AP1S2: variants seen among roughly 807,000 people sequenced by gnomAD.
The protein encoded by AP1S2 is adaptor related protein complex 1 subunit sigma 2.
A neutral mutation model predicts 14.3 loss-of-function variants in AP1S2; 1 was observed. That is an observed-to-expected ratio of 0.07 (90% CI 0.02 to 0.33). The LOEUF is 0.33. Ranked by LOEUF, AP1S2 falls within the 10% of genes least tolerant of loss-of-function variation. AP1S2 has a pLI of 0.99. For synonymous variants in AP1S2, 30 were observed against 40.5 expected, an observed-to-expected ratio of 0.74 and a Z score of 0.99; for missense variants, 30 against 117.7, an observed-to-expected ratio of 0.25 and a Z score of 3.45.
At chrX:15,833,251 C>T in intron 4 of AP1S2, 1 of 754,374 alleles carries the variant, frequency 1.3e-6, no homozygotes, top group Non-Finnish European at 1.6e-6. Flanking sequence ...GCAACCATTC[C>T]TCCCCAGGAG....
chrX:15,826,991 T>C lies in AP1S2; in HGVS notation c.*334A>G, dbSNP rs948675645. 2.3e-5 allele frequency: 4 copies of C among 177,367 alleles called. No homozygotes were observed. The highest frequency in any genetic ancestry group is 2.0e-3 in the Middle Eastern group (1 of 507). 14.6% of individuals were successfully genotyped at this position (177,367 alleles called of 1,213,427 possible). A position where few individuals can be genotyped will look rare whatever the true frequency, so the allele number is the denominator to read the frequency against. The stretch of plus-strand genomic sequence containing the variant: ...GAGTTTCCTTTGTCAAATACAGTAA[T>C]TAATAAATGTATACTGCCTGATTTT... On this transcript the variant is annotated 3_prime_UTR_variant, in exon 6 of 6. Transcript: ENST00000672987.
chrX:15,839,616 G>T (rs1370753679), intron 4 of AP1S2, among the ~76,000 whole-genome samples: 1 of 107,526 alleles, frequency 9.3e-6, no homozygotes, highest in Non-Finnish European at 1.9e-5. Context: ...AATTAGCTTG[G>T]ACTACAGACA....
At chrX:15,849,620 G>T (rs1330706326) in intron 2 of AP1S2, among the ~76,000 whole-genome samples, 2 of 111,941 alleles carry the variant, frequency 1.8e-5, no homozygotes, top group Admixed American at 9.4e-5. Context: ...ACCCTTTGTA[G>T]CTTTCAAAAG....
rs769397153 is a variant in AP1S2 at position 15,854,722 on chromosome X, CCGG to C, written c.-38_-36del. 2.0e-4 allele frequency: 156 copies of C among 790,369 alleles called. No individual in the cohort carries two copies. The highest frequency in any genetic ancestry group is 1.1e-3 in the Admixed American group (14 of 12,758). 65.1% of individuals were successfully genotyped at this position (790,369 alleles called of 1,213,427 possible). A position where few individuals can be genotyped will look rare whatever the true frequency, so the allele number is the denominator to read the frequency against. On this transcript the variant is annotated 5_prime_UTR_variant, in exon 1 of 6. Transcript: ENST00000672987. ...GGGCCGCGGGCGCGGCGGAGCTTGG[CCGG>C]CGGCGGCGGCGGCGGCGAAGGGGAA...
At chrX:15,854,636 C>T (rs1160928969) in intron 1 of AP1S2, 52 bp downstream of exon 1, 1 of 548,807 alleles carries the variant, frequency 1.8e-6, no homozygotes, top group Admixed American at 8.9e-5. Context: ...GCCCAGTCCT[C>T]CCTCCCCCTC....
intron 4 of AP1S2, chrX:15,844,851 C>CA (rs1016104999): frequency 5.8e-5 from 18 of 307,708 alleles, no homozygotes; most frequent in Admixed American, 1.9e-4. Context: ...GTTTTGCTAA[C>CA]AAAAAAAACC....
In AP1S2 at chrX:15,826,340, TAA is replaced by T. The variant is rs1161451082; in HGVS notation, c.*983_*984del. ...AGAAATGTGTCTTTTTAAATTTTTA[TAA>T]GACTTCTGTTAACTAGGCAGTGCCA... On this transcript the variant is annotated 3_prime_UTR_variant, in exon 6 of 6. Transcript: ENST00000672987. 1.8e-5 allele frequency: 2 copies of T among 112,454 alleles called. No individual in the cohort carries two copies. The highest frequency in any genetic ancestry group is 3.8e-5 in the Non-Finnish European group (2 of 53,270). The allele number at this position is 112,454 out of a possible 1,213,427, so 9.3% of individuals were successfully genotyped here. A position where few individuals can be genotyped will look rare whatever the true frequency, so the allele number is the denominator to read the frequency against.
intron 2 of AP1S2, among the ~76,000 whole-genome samples, chrX:15,851,679 A>C (rs1250968831): frequency 8.9e-5 from 10 of 112,260 alleles, no homozygotes. Flanking sequence ...CATTAAAAAA[A>C]TTTTAGTGTT....
chrX:15,849,593 T>A (rs1310340971), intron 2 of AP1S2, among the ~76,000 whole-genome samples: 1 of 112,084 alleles, frequency 8.9e-6, no homozygotes, highest in African/African-American at 3.3e-5. Context: ...GATATAAGTA[T>A]CAGAGTTGGA....
rs1933242333 is a variant in AP1S2, at chrX:15,825,807, C to G, written c.*1518G>C. Reference sequence around the variant, plus strand: ...GAAAGAGTAGAAAAGTCAACTGCATCAAGGTTTTAAAAGCAGCATTTATTG... The same window carrying G: ...GAAAGAGTAGAAAAGTCAACTGCATGAAGGTTTTAAAAGCAGCATTTATTG... On this transcript the variant is annotated 3_prime_UTR_variant, in exon 6 of 6. Coordinates refer to ENST00000672987, the MANE Select transcript of AP1S2 (RefSeq NM_001272071.2). The G allele has an allele frequency of 8.0e-6, 1 of 125,212 alleles. No homozygotes were observed. Among genetic ancestry groups the G allele is most frequent in the Admixed American group, 9.2e-5 (1 of 10,813 alleles). 10.3% of individuals were successfully genotyped at this position (125,212 alleles called of 1,213,427 possible).
chrX:15,845,525 G>GA lies in AP1S2; in HGVS notation c.289-10dup, dbSNP rs746801765. 5.5e-4 allele frequency: 582 copies of GA among 1,062,827 alleles called. No homozygotes were observed. The highest frequency in any genetic ancestry group is 3.6e-3 in the South Asian group (167 of 46,059). 87.6% of individuals were successfully genotyped at this position (1,062,827 alleles called of 1,213,427 possible). On this transcript the variant is annotated splice_polypyrimidine_tract_variant and intron_variant, in intron 3 of 5. Coordinates refer to ENST00000672987, the MANE Select transcript of AP1S2 (RefSeq NM_001272071.2). ...ATATCTAGTTCACAGACCTGAAAAGGAAAAAAAAAAGAAAAAAGAAAAGAA... is the reference window on the plus strand; with the variant it reads ...ATATCTAGTTCACAGACCTGAAAAGGAAAAAAAAAAAGAAAAAAGAAAAGAA...
chrX:15,847,252 A>G (rs746110183), intron 2 of AP1S2, among the ~76,000 whole-genome samples: 3 of 110,936 alleles, frequency 2.7e-5, no homozygotes, highest in Non-Finnish European at 5.7e-5. Context: ...CATTATTAAA[A>G]CCATTTCATC....
intron 4 of AP1S2, 175 bp downstream of exon 4, chrX:15,845,204 T>C (rs1933965585): frequency 5.3e-6 from 4 of 752,547 alleles, no homozygotes; most frequent in South Asian, 6.8e-5. Flanking sequence ...CATCCATCCA[T>C]AGATAACTGA....
intron 4 of AP1S2, among the ~76,000 whole-genome samples, chrX:15,836,866 CAG>C (rs1259629635): frequency 1.8e-5 from 2 of 111,671 alleles, no homozygotes; most frequent in East Asian, 5.6e-4. Flanking sequence ...GCCTTGGTGA[CAG>C]AGTGAGACCC....
At chrX:15,845,293 T>C in intron 4 of AP1S2, 86 bp downstream of exon 4, 2 of 1,189,112 alleles carry the variant, frequency 1.7e-6, no homozygotes, top group African/African-American at 3.5e-5. Context: ...TTCAGAGTAC[T>C]TTCTGAAACT....
At chrX:15,833,252 TC>T (rs1311440198) in intron 4 of AP1S2, 1 of 754,302 alleles carries the variant, frequency 1.3e-6, no homozygotes, top group Non-Finnish European at 1.6e-6. Flanking sequence ...CAACCATTCC[TC>T]CCCAGGAGAC....
intron 4 of AP1S2, chrX:15,840,597 A>G (rs1295279062): frequency 2.2e-5 from 21 of 948,580 alleles, no homozygotes; most frequent in Non-Finnish European, 2.9e-5. Flanking sequence ...TGGCTCTATA[A>G]AATTAAGGAG....
chrX:15,834,480 A>ATATATATATAT (rs1483118039), intron 4 of AP1S2, among the ~76,000 whole-genome samples: 123 of 20,234 alleles, frequency 6.1e-3, no homozygotes, highest in African/African-American at 8.4e-3. Flanking sequence ...ATATATATAT[A>ATATATATATAT]ATTTTTTTTT....
chrX:15,829,210 G>A (rs1394311459), intron 4 of AP1S2, among the ~76,000 whole-genome samples: 1 of 111,411 alleles, frequency 9.0e-6, no homozygotes, highest in Non-Finnish European at 1.9e-5. Flanking sequence ...AAAGTCCAGT[G>A]GAAATGATGT....
Sources: gnomAD v4.1 joint callset for allele counts (sites outside exome capture counted in the v4.1 genomes callset) on GRCh38, gnomAD v4.1.1 for gene constraint, MANE v1.5 for transcripts, NCBI Gene and HGNC (gene_info 2026-07-23, HGNC 2026-07-21) for gene names.